Variants in GALNTL6 observed in about 807,000 individuals in gnomAD.
GALNTL6 encodes the protein polypeptide N-acetylgalactosaminyltransferase like 6.
GALNTL6 carries 46 observed loss-of-function variants against 73.7 expected under a neutral mutation model. The observed-to-expected ratio is 0.62, with a 90% CI of 0.49 to 0.80. GALNTL6 has a LOEUF of 0.80. Among genes scored for constraint, GALNTL6 ranks in the 30% least tolerant of loss-of-function variants. The pLI, the probability that GALNTL6 is intolerant of heterozygous loss-of-function variation, is 0.00. For synonymous variants in GALNTL6, 259 were observed against 263.7 expected, an observed-to-expected ratio of 0.98 and a Z score of 0.17; for missense variants, 604 against 755.0, an observed-to-expected ratio of 0.80 and a Z score of 2.34.
At chr4:172,915,135 G>A (rs959053628) in intron 8 of GALNTL6, among the ~76,000 whole-genome samples, 2 of 152,192 alleles carry the variant, frequency 1.3e-5, no homozygotes, top group Admixed American at 6.5e-5. Context: ...TGAACAACCT[G>A]CTCCTGAATG....
intron 2 of GALNTL6, among the ~76,000 whole-genome samples, chr4:171,936,979 T>C (rs912931191): frequency 5.3e-5 from 8 of 152,144 alleles, no homozygotes; most frequent in African/African-American, 1.9e-4. Context: ...ACCTTCCAGC[T>C]GAACCTGCAA....
rs796547805 is a variant in GALNTL6 at position 171,883,653 on chromosome 4, CT to C, written c.138+68947del. The stretch of plus-strand genomic sequence containing the variant: ...GTTCTTATATATGTGCTTTTCTTTT[CT>C]TTTTTTTTTTTGAGATAGAGTCTCG... On this transcript the variant is annotated intron_variant, in intron 2 of 12. Coordinates refer to ENST00000506823, the MANE Select transcript of GALNTL6 (RefSeq NM_001034845.3). Among the ~76,000 whole-genome samples the C allele has an allele frequency of 1.5e-3, 214 of 143,702 alleles. 1 individual carries two copies. The highest frequency in any genetic ancestry group is 1.4e-3 in the Non-Finnish European group (90 of 65,022). 94.3% of individuals were successfully genotyped at this position (143,702 alleles called of 152,430 possible).
intron 5 of GALNTL6, among the ~76,000 whole-genome samples, chr4:172,403,809 C>T (rs1004790921): frequency 6.6e-6 from 1 of 151,846 alleles, no homozygotes; most frequent in Non-Finnish European, 1.5e-5. Flanking sequence ...CTATTGTAAG[C>T]CACTGAATCT....
intron 2 of GALNTL6, among the ~76,000 whole-genome samples, chr4:171,992,679 A>G (rs868615674): frequency 2.0e-5 from 3 of 152,104 alleles, no homozygotes; most frequent in Non-Finnish European, 4.4e-5. Flanking sequence ...CTTGCAGTAA[A>G]CAAGTTTCCT....
At chr4:172,617,590 C>T (rs1738789189) in intron 5 of GALNTL6, among the ~76,000 whole-genome samples, 1 of 152,020 alleles carries the variant, frequency 6.6e-6, no homozygotes, top group Admixed American at 6.5e-5. Flanking sequence ...CATTCTCCTG[C>T]CTCAGCCTCC....
intron 2 of GALNTL6, among the ~76,000 whole-genome samples, chr4:172,047,710 G>T (rs894802951): frequency 1.3e-5 from 2 of 152,026 alleles, no homozygotes; most frequent in African/African-American, 4.8e-5. Context: ...GAAGGAGAAA[G>T]TTCAGTTAGT....
chr4:172,946,124 CGTGTGTGTGTGTGT>C (rs71594019), intron 9 of GALNTL6, among the ~76,000 whole-genome samples: 1 of 148,432 alleles, frequency 6.7e-6, no homozygotes, highest in Admixed American at 6.7e-5. Context: ...GGGGAAAAAG[CGTGTGTGTGTGTGT>C]GTGTGTGTGT....
chr4:172,725,032 GT>G (rs570582528), intron 5 of GALNTL6, among the ~76,000 whole-genome samples: 2 of 151,952 alleles, frequency 1.3e-5, no homozygotes, highest in Non-Finnish European at 2.9e-5. Flanking sequence ...AATTTTCTGG[GT>G]TTTTTTCAAG....
At chr4:172,892,274 C>T (rs1228605642) in intron 8 of GALNTL6, among the ~76,000 whole-genome samples, 2 of 152,136 alleles carry the variant, frequency 1.3e-5, no homozygotes, top group Non-Finnish European at 1.5e-5. Context: ...ATTCTTTTTC[C>T]TTTTTAAATT....
At chr4:172,652,455 G>A (rs886817270) in intron 5 of GALNTL6, among the ~76,000 whole-genome samples, 1 of 152,166 alleles carries the variant, frequency 6.6e-6, no homozygotes, top group African/African-American at 2.4e-5. Flanking sequence ...TCCTGAGGTG[G>A]GAAAAGCATG....
intron 2 of GALNTL6, among the ~76,000 whole-genome samples, chr4:172,061,982 C>T (rs1296273568): frequency 7.7e-6 from 1 of 129,910 alleles, no homozygotes. Flanking sequence ...GAGTCTTGCT[C>T]TTGCTGTGTA....
At chr4:172,956,680 G>T (rs996866082) in intron 10 of GALNTL6, among the ~76,000 whole-genome samples, 1 of 152,206 alleles carries the variant, frequency 6.6e-6, no homozygotes, top group Non-Finnish European at 1.5e-5. Context: ...AAAAAGAAGC[G>T]TCTATACAGG....
rs150560342 is a variant in GALNTL6 at position 172,436,216 on chromosome 4, C to T, written c.553+87527C>T. Among the ~76,000 whole-genome samples the T allele has an allele frequency of 8.1e-3, 1,238 of 152,160 alleles. 11 individuals carry two copies. The highest frequency in any genetic ancestry group is 0.028 in the African/African-American group (1,167 of 41,506). ...CATTATGAATTAGAAGGCTGTAGCA[C>T]CTCTTACCACTGCAAATACTAACTC... is the stretch of plus-strand genomic sequence containing the variant. On this transcript the variant is annotated intron_variant, in intron 5 of 12. Coordinates refer to ENST00000506823, the MANE Select transcript of GALNTL6 (RefSeq NM_001034845.3).
intron 2 of GALNTL6, among the ~76,000 whole-genome samples, chr4:172,037,841 G>C (rs28620157): frequency 0.039 from 5,974 of 152,232 alleles, 370 homozygotes; most frequent in African/African-American, 0.13. Flanking sequence ...CTAGAGACCG[G>C]GAGCGTTGGC....
intron 2 of GALNTL6, among the ~76,000 whole-genome samples, chr4:171,879,033 C>G (rs1736362490): frequency 6.6e-6 from 1 of 152,016 alleles, no homozygotes; most frequent in Non-Finnish European, 1.5e-5. Flanking sequence ...AACCAGGAGC[C>G]AATTAAACCT....
chr4:172,437,118 A>AT (rs1378207514), intron 5 of GALNTL6, among the ~76,000 whole-genome samples: 5 of 152,126 alleles, frequency 3.3e-5, no homozygotes, highest in Non-Finnish European at 7.4e-5. Context: ...TCCAGTCAAT[A>AT]TAACTCTCCA....
At chr4:172,381,714 A>G (rs1220054408) in intron 5 of GALNTL6, among the ~76,000 whole-genome samples, 3 of 152,194 alleles carry the variant, frequency 2.0e-5, no homozygotes, top group Admixed American at 6.5e-5. Context: ...CTTTTTGACT[A>G]TTATCAATAA....
intron 5 of GALNTL6, among the ~76,000 whole-genome samples, chr4:172,379,029 C>T (rs573207555): frequency 2.6e-5 from 4 of 152,180 alleles, no homozygotes; most frequent in African/African-American, 9.6e-5. Flanking sequence ...TTTACTAAAA[C>T]ATAAGACTTA....
At chr4:172,588,932 C>T (rs1737531097) in intron 5 of GALNTL6, among the ~76,000 whole-genome samples, 1 of 152,066 alleles carries the variant, frequency 6.6e-6, no homozygotes, top group Admixed American at 6.6e-5. Flanking sequence ...TAAAAATGTT[C>T]ATTGGGATTT....
Sources: allele counts gnomAD v4.1 joint callset (sites outside exome capture counted in the v4.1 genomes callset), GRCh38; gene constraint gnomAD v4.1.1; transcripts MANE v1.5; gene names NCBI Gene and HGNC (gene_info 2026-07-23, HGNC 2026-07-21).